The following CTNNAL1 variants were observed in gnomAD, a reference collection of about 807,000 sequenced individuals.
The protein encoded by CTNNAL1 is alpha-catulin.
Under a neutral mutation model 93.6 loss-of-function variants are expected in CTNNAL1, and 69 were observed. The observed-to-expected ratio is 0.74, with a 90% CI of 0.61 to 0.90. The LOEUF (loss-of-function observed/expected upper bound fraction) is 0.90, where lower values mean the gene tolerates loss of function less well. CTNNAL1 is among the 40% of genes least tolerant of loss of function. The pLI is 0.00. For missense variants in CTNNAL1, 836 were observed against 862.0 expected (o/e 0.97, Z 0.38); for synonymous variants, 286 against 305.4 (o/e 0.94, Z 0.66).
intron 1 of CTNNAL1, among the ~76,000 whole-genome samples, chr9:109,002,463 G>A (rs1826865864): frequency 6.6e-6 from 1 of 152,108 alleles, no homozygotes; most frequent in Admixed American, 6.5e-5. Context: ...ACCGGAAACT[G>A]GAGAAAAGGG....
intron 8 of CTNNAL1, 53 bp downstream of exon 8, chr9:108,976,909 C>T (rs1831282674): frequency 2.7e-6 from 2 of 738,578 alleles, no homozygotes; most frequent in Non-Finnish European, 4.2e-6. Context: ...TACACCCATA[C>T]AACATGAAAA....
intron 2 of CTNNAL1, among the ~76,000 whole-genome samples, chr9:108,996,756 GA>G (rs1245407260): frequency 6.6e-6 from 1 of 151,588 alleles, no homozygotes; most frequent in African/African-American, 2.4e-5. Flanking sequence ...CTTGCAAAAT[GA>G]AACAGTAATA....
chr9:108,949,595 G>A (rs1048438301), intron 14 of CTNNAL1, among the ~76,000 whole-genome samples: 2 of 152,196 alleles, frequency 1.3e-5, no homozygotes, highest in African/African-American at 4.8e-5. Flanking sequence ...TGTAATCCCA[G>A]CACTTTGGGA....
chr9:108,972,768 T>C lies in CTNNAL1; in HGVS notation c.1254A>G (p.Leu418=), dbSNP rs1229855078. 1 of 1,567,798 alleles carries C rather than the reference T, an allele frequency of 6.4e-7. No homozygotes were observed. The highest frequency in any genetic ancestry group is 1.4e-5 in the African/African-American group (1 of 69,382). The change falls in exon 9 of 19, where the codon CTA becomes CTG. Residue 418 remains leucine, a synonymous_variant. Transcript: ENST00000325551. ...CTACTCCAGTAAGTTTTAATGCTTTTAGAACCACATGATCAGCATGGTATT... is the reference window on the plus strand; with the variant it reads ...CTACTCCAGTAAGTTTTAATGCTTTCAGAACCACATGATCAGCATGGTATT... ...LLKYHADHVV[L]KALKLTGVEG...
chr9:108,997,750 T>A (rs1041892416), intron 2 of CTNNAL1, among the ~76,000 whole-genome samples: 1 of 152,090 alleles, frequency 6.6e-6, no homozygotes, highest in Non-Finnish European at 1.5e-5. Context: ...ATCCAAACCA[T>A]CAGCCAATCC....
intron 1 of CTNNAL1, among the ~76,000 whole-genome samples, chr9:109,003,343 G>C (rs1826909542): frequency 6.6e-6 from 1 of 152,166 alleles, no homozygotes; most frequent in South Asian, 2.1e-4. Flanking sequence ...TAATCGTATT[G>C]GCAGAAACAC....
Position 108,952,243 on chromosome 9 carries a change from A to G in CTNNAL1, c.1801T>C (p.Ser601Pro). 6.2e-7 allele frequency: 1 copy of G among 1,614,084 alleles called. No individual in the cohort carries two copies. The highest frequency in any genetic ancestry group is 8.5e-7 in the Non-Finnish European group (1 of 1,179,914). Reference sequence around the variant, plus strand: ...AAATACAGAGAATAGGCCATACTGGACATGTTCCGTCCATATTGAACAATC... The same window carrying G: ...AAATACAGAGAATAGGCCATACTGGGCATGTTCCGTCCATATTGAACAATC... The part of the protein sequence containing the change: ...NEIVQYGRNM[S>P]SMAYSLYLFT... The change falls in exon 14 of 19, where the codon TCC becomes CCC. Residue 601 changes from serine to proline, a missense_variant. Physicochemically the swap from Ser to Pro is moderately conservative, Grantham distance 74. Transcript: ENST00000325551.
chr9:109,010,156 C>A (rs1827165060), intron 1 of CTNNAL1, among the ~76,000 whole-genome samples: 1 of 152,138 alleles, frequency 6.6e-6, no homozygotes. Flanking sequence ...TCCTGAATAG[C>A]TGAGACTAGA....
In CTNNAL1 at chr9:108,999,231, T is replaced by A; in HGVS notation, c.167A>T (p.Asp56Val). 1.2e-6 allele frequency: 2 copies of A among 1,601,952 alleles called. No homozygotes were observed. The highest frequency in any genetic ancestry group is 1.7e-6 in the Non-Finnish European group (2 of 1,176,098). ...SQITTLINHKDNTKKSDKTLQ... is the reference protein window; with the variant it reads ...SQITTLINHKVNTKKSDKTLQ... ...AGTTTTATCAGACTTTTTGGTATTA[T>A]CTTTATGATTAATAAGCGTGGTGAT... The change falls in exon 2 of 19, where the codon GAT becomes GTT. Residue 56 changes from aspartate to valine, a missense_variant. Asp to Val is a radical substitution (Grantham distance 152). Coordinates refer to ENST00000325551, the MANE Select transcript of CTNNAL1 (RefSeq NM_003798.4).
At chr9:108,951,209 G>A (rs1830556379) in intron 14 of CTNNAL1, among the ~76,000 whole-genome samples, 1 of 150,616 alleles carries the variant, frequency 6.6e-6, no homozygotes, top group African/African-American at 2.4e-5. Context: ...TAGACACCGG[G>A]TTTCAGTGTG....
At chr9:108,975,971 C>T (rs571012265) in intron 8 of CTNNAL1, among the ~76,000 whole-genome samples, 1 of 152,284 alleles carries the variant, frequency 6.6e-6, no homozygotes, top group South Asian at 2.1e-4. Context: ...GGGAAACCCT[C>T]TCAACCAAAG....
intron 1 of CTNNAL1, 77 bp downstream of exon 1, chr9:109,013,224 TC>T (rs1588002801): frequency 7.2e-7 from 1 of 1,387,732 alleles, no homozygotes; most frequent in East Asian, 3.1e-5. Context: ...CTGCCTCCCG[TC>T]CGGTCGTGCG....
At chr9:108,979,875 C>A (rs1831377514) in intron 6 of CTNNAL1, among the ~76,000 whole-genome samples, 2 of 152,214 alleles carry the variant, frequency 1.3e-5, no homozygotes, top group South Asian at 4.1e-4. Context: ...ATGTGCTGAG[C>A]CCAGGGGGAA....
chr9:108,945,971 T>G (rs943395484), intron 15 of CTNNAL1, among the ~76,000 whole-genome samples: 1 of 152,094 alleles, frequency 6.6e-6, no homozygotes, highest in Admixed American at 6.5e-5. Context: ...GCACTACCAC[T>G]CACTCTGTTG....
intron 4 of CTNNAL1, among the ~76,000 whole-genome samples, chr9:108,986,083 T>G (rs1182352805): frequency 6.6e-6 from 1 of 151,868 alleles, no homozygotes; most frequent in Non-Finnish European, 1.5e-5. Context: ...ATGTGCATGT[T>G]AGTTACATAT....
Position 108,984,338 on chromosome 9 carries a change from T to G in CTNNAL1, c.729+9A>C. On this transcript the variant is annotated intron_variant, in intron 5 of 18. Transcript: ENST00000325551. ...AATTTATTACACAGTAAAACCAAAA[T>G]TGTCTTACCTTTGAAGCTGTGAGAA... 6.4e-7 allele frequency: 1 copy of G among 1,551,624 alleles called. No homozygotes were observed. The highest frequency in any genetic ancestry group is 8.9e-7 in the Non-Finnish European group (1 of 1,127,206).
intron 1 of CTNNAL1, among the ~76,000 whole-genome samples, chr9:109,001,859 ATGTT>A (rs1290707019): frequency 6.6e-6 from 1 of 152,200 alleles, no homozygotes; most frequent in African/African-American, 2.4e-5. Context: ...CCATAAGATA[ATGTT>A]TGTTGTTTTA....
chr9:108,993,395 G>A (rs1444894638), intron 2 of CTNNAL1, among the ~76,000 whole-genome samples: 2 of 152,156 alleles, frequency 1.3e-5, no homozygotes, highest in Non-Finnish European at 2.9e-5. Context: ...AAACAATAAG[G>A]AAGTTTGTCT....
chr9:108,961,281 C>A (rs1830815589), intron 11 of CTNNAL1, among the ~76,000 whole-genome samples: 1 of 152,162 alleles, frequency 6.6e-6, no homozygotes, highest in Non-Finnish European at 1.5e-5. Flanking sequence ...GTCACATCAA[C>A]CATGCATAAC....
Sources: gnomAD v4.1 joint callset for allele counts (sites outside exome capture counted in the v4.1 genomes callset) on GRCh38, gnomAD v4.1.1 for gene constraint, MANE v1.5 for transcripts, NCBI Gene and HGNC (gene_info 2026-07-23, HGNC 2026-07-21) for gene names.